CARMIL1: variants seen among roughly 807,000 people sequenced by gnomAD.
The protein encoded by CARMIL1 is F-actin-uncapping protein LRRC16A.
Under a neutral mutation model 177.1 loss-of-function variants are expected in CARMIL1, and 90 were observed. That is an observed-to-expected ratio of 0.51 (90% CI 0.43 to 0.61). The LOEUF (loss-of-function observed/expected upper bound fraction) is 0.61. Among genes scored for constraint, CARMIL1 ranks in the 20% least tolerant of loss-of-function variants. CARMIL1 has a pLI of 0.00. For missense variants in CARMIL1, 1,380 were observed against 1,667.0 expected (o/e 0.83, Z 3.00); for synonymous variants, 577 against 606.2 (o/e 0.95, Z 0.71).
At chr6:25,458,449 G>A (rs932035048) in intron 8 of CARMIL1, among the ~76,000 whole-genome samples, 6 of 128,140 alleles carry the variant, frequency 4.7e-5, no homozygotes, top group African/African-American at 1.8e-4. Context: ...ATCCACCACT[G>A]CACTCCAGCC....
chr6:25,450,259 C>A (rs1013959860), intron 6 of CARMIL1, 80 bp from the exon 7 acceptor site: 20 of 962,334 alleles, frequency 2.1e-5, no homozygotes, highest in Non-Finnish European at 3.0e-5. Context: ...TTGTCAACAT[C>A]GGCCATATTT....
chr6:25,456,827 G>A (rs1799575497), intron 8 of CARMIL1, among the ~76,000 whole-genome samples: 1 of 152,152 alleles, frequency 6.6e-6, no homozygotes, highest in Admixed American at 6.5e-5. Context: ...AAGAGTCCAG[G>A]CAACAGATTC....
At chr6:25,471,020 C>T (rs139647609) in intron 9 of CARMIL1, 149 bp from the exon 10 acceptor site, 38 of 467,242 alleles carry the variant, frequency 8.1e-5, no homozygotes, top group African/African-American at 6.3e-4. Context: ...ATCTTCATCA[C>T]GATGGTGCGT....
intron 32 of CARMIL1, among the ~76,000 whole-genome samples, chr6:25,598,725 C>G (rs1562325757): frequency 6.6e-6 from 1 of 152,006 alleles, no homozygotes; most frequent in Non-Finnish European, 1.5e-5. Flanking sequence ...AATATTTTTT[C>G]TCTTCCGTGT....
chr6:25,508,999 G>A (rs542916785), intron 17 of CARMIL1, among the ~76,000 whole-genome samples: 1 of 152,240 alleles, frequency 6.6e-6, no homozygotes, highest in South Asian at 2.1e-4. Context: ...TGCAAATGAG[G>A]TGAGAATAAT....
chr6:25,409,045 A>G (rs2150623458), intron 2 of CARMIL1, among the ~76,000 whole-genome samples: 1 of 152,316 alleles, frequency 6.6e-6, no homozygotes, highest in East Asian at 1.9e-4. Context: ...TGGTAATTTG[A>G]TCTAAATTGG....
chr6:25,311,814 A>C (rs1783844030), intron 2 of CARMIL1, among the ~76,000 whole-genome samples: 1 of 152,184 alleles, frequency 6.6e-6, no homozygotes, highest in Non-Finnish European at 1.5e-5. Flanking sequence ...GGGCCAGGGG[A>C]TAAGTAGTTT....
chr6:25,338,245 A>G (rs1281913758), intron 2 of CARMIL1, among the ~76,000 whole-genome samples: 2 of 150,398 alleles, frequency 1.3e-5, no homozygotes, highest in African/African-American at 4.9e-5. Context: ...CAACAGAGCA[A>G]GACTCTGTCT....
At chr6:25,527,172 T>A (rs1807234420) in intron 23 of CARMIL1, among the ~76,000 whole-genome samples, 1 of 152,190 alleles carries the variant, frequency 6.6e-6, no homozygotes, top group Non-Finnish European at 1.5e-5. Context: ...AATGACACCT[T>A]TGGTCCTTCA....
At chr6:25,399,991 G>A (rs1478211327) in intron 2 of CARMIL1, among the ~76,000 whole-genome samples, 1 of 152,168 alleles carries the variant, frequency 6.6e-6, no homozygotes, top group East Asian at 1.9e-4. Context: ...GAGGTGTAGG[G>A]GATCTGATAA....
chr6:25,422,731 C>T (rs1795964089), intron 3 of CARMIL1, among the ~76,000 whole-genome samples: 1 of 152,098 alleles, frequency 6.6e-6, no homozygotes, highest in Non-Finnish European at 1.5e-5. Context: ...AATATTCAAG[C>T]ACCCTATTGA....
chr6:25,343,316 CTTTT>C (rs5875030), intron 2 of CARMIL1, among the ~76,000 whole-genome samples: 10 of 135,440 alleles, frequency 7.4e-5, no homozygotes, highest in African/African-American at 8.1e-5. Flanking sequence ...AGTATTTTTG[CTTTT>C]TTTTTTTTTT....
At chr6:25,354,242 C>A (rs1236195782) in intron 2 of CARMIL1, among the ~76,000 whole-genome samples, 7 of 151,982 alleles carry the variant, frequency 4.6e-5, no homozygotes, top group Non-Finnish European at 1.0e-4. Flanking sequence ...TCACTGCAGC[C>A]TGCAGTTCCT....
In CARMIL1 at chr6:25,452,002, C is replaced by CCCCCG. The variant is rs1554199130; in HGVS notation, c.614+1293_614+1294insCCGCC. 90 of 258,936 alleles carry CCCCCG rather than the reference C, an allele frequency of 3.5e-4. 3 individuals are homozygous for CCCCCG. The highest frequency in any genetic ancestry group is 2.5e-3 in the African/African-American group (90 of 35,874). 16.0% of individuals were successfully genotyped at this position (258,936 alleles called of 1,614,324 possible). On this transcript the variant is annotated intron_variant, in intron 8 of 36. Transcript: ENST00000329474. ...TAGCATCTTGCCCCCCCCTCCCCCCCCCAGAATACTGTTTTGAATTATTTT... is the reference window on the plus strand; with the variant it reads ...TAGCATCTTGCCCCCCCCTCCCCCCCCCCCGCCAGAATACTGTTTTGAATTATTTT...
intron 2 of CARMIL1, among the ~76,000 whole-genome samples, chr6:25,341,138 T>C (rs1055791569): frequency 3.5e-5 from 5 of 144,890 alleles, no homozygotes; most frequent in South Asian, 2.3e-4. Context: ...GGTATTATTA[T>C]TGCCCTTTTA....
At chr6:25,595,269 C>CT (rs34865122) in intron 32 of CARMIL1, among the ~76,000 whole-genome samples, 80,821 of 152,002 alleles carry the variant, frequency 0.53, 21,824 homozygotes, top group East Asian at 0.63. Flanking sequence ...TATGAAGATT[C>CT]TCACCTTGAG....
At chr6:25,456,666 G>A (rs1026636406) in intron 8 of CARMIL1, among the ~76,000 whole-genome samples, 1 of 152,120 alleles carries the variant, frequency 6.6e-6, no homozygotes, top group African/African-American at 2.4e-5. Context: ...AATTATGAAG[G>A]TAGAGGTACT....
chr6:25,310,108 G>A (rs1783670298), intron 2 of CARMIL1, among the ~76,000 whole-genome samples: 1 of 152,026 alleles, frequency 6.6e-6, no homozygotes, highest in Non-Finnish European at 1.5e-5. Context: ...TAGATTGTGG[G>A]TTGTTTCCAC....
chr6:25,466,164 G>A (rs1800578142), intron 9 of CARMIL1, among the ~76,000 whole-genome samples: 2 of 152,050 alleles, frequency 1.3e-5, no homozygotes, highest in African/African-American at 4.8e-5. Context: ...AGCTGTTTCG[G>A]GCAATTTAAG....
Sources: gnomAD v4.1 joint callset for allele counts (sites outside exome capture counted in the v4.1 genomes callset) on GRCh38, gnomAD v4.1.1 for gene constraint, MANE v1.5 for transcripts, NCBI Gene and HGNC (gene_info 2026-07-23, HGNC 2026-07-21) for gene names.